The following PCNX1 variants were observed in gnomAD, a reference collection of about 807,000 sequenced individuals.
PCNX1 encodes the protein pecanex 1, also known as pecanex-like protein 1.
A neutral mutation model predicts 242.2 loss-of-function variants in PCNX1; 78 were observed. The observed-to-expected ratio is 0.32, with a 90% CI of 0.27 to 0.39. The LOEUF (loss-of-function observed/expected upper bound fraction) is 0.39. Ranked by LOEUF, PCNX1 falls within the 10% of genes least tolerant of loss-of-function variation. The pLI, the probability that PCNX1 is intolerant of heterozygous loss-of-function variation, is 1.00. For synonymous variants in PCNX1, 1,024 were observed against 1,032.9 expected, an observed-to-expected ratio of 0.99 and a Z score of 0.17; for missense variants, 2,581 against 2,856.5, an observed-to-expected ratio of 0.90 and a Z score of 2.20.
chr14:71,044,832 A>G (rs2060812865), intron 19 of PCNX1, among the ~76,000 whole-genome samples: 1 of 152,224 alleles, frequency 6.6e-6, no homozygotes, highest in South Asian at 2.1e-4. Flanking sequence ...ATCTCATAGA[A>G]CATTCATGTA....
rs1221286659 is a variant in PCNX1 at position 71,057,684 on chromosome 14, T to C, written c.4812T>C (p.Asn1604=). The change falls in exon 26 of 36, where the codon AAT becomes AAC. Residue 1604 remains asparagine, a synonymous_variant. Coordinates refer to ENST00000304743, the MANE Select transcript of PCNX1 (RefSeq NM_014982.3). ...TAGTACACCTTATAGAGATAGGCAATGGTCTGGTCACTTTTCAGCTGCGGG... is the reference window on the plus strand; with the variant it reads ...TAGTACACCTTATAGAGATAGGCAACGGTCTGGTCACTTTTCAGCTGCGGG... The part of the protein sequence containing the change: ...NALVHLIEIG[N]GLVTFQLRGL... The C allele has an allele frequency of 4.3e-6, 7 of 1,613,846 alleles. No individual in the cohort carries two copies. Among genetic ancestry groups the C allele is most frequent in the East Asian group, 4.5e-5 (2 of 44,888 alleles).
chr14:71,063,951 A>T (rs2061386027), intron 26 of PCNX1, among the ~76,000 whole-genome samples: 1 of 151,874 alleles, frequency 6.6e-6, no homozygotes, highest in South Asian at 2.1e-4. Flanking sequence ...ACTTTCTTTC[A>T]TGTTAATTTT....
At chr14:70,975,905 AT>A (rs2058674047) in intron 5 of PCNX1, among the ~76,000 whole-genome samples, 1 of 151,870 alleles carries the variant, frequency 6.6e-6, no homozygotes, top group South Asian at 2.1e-4. Flanking sequence ...TTCATGAAGT[AT>A]TTTTTAATTG....
chr14:70,958,981 C>G (rs2058096770), intron 2 of PCNX1, among the ~76,000 whole-genome samples: 1 of 118,966 alleles, frequency 8.4e-6, no homozygotes, highest in Non-Finnish European at 1.6e-5. Flanking sequence ...TCTGTAATGT[C>G]CAACACATAT....
intron 7 of PCNX1, among the ~76,000 whole-genome samples, chr14:70,991,129 A>G (rs2140280393): frequency 6.6e-6 from 1 of 151,960 alleles, no homozygotes; most frequent in East Asian, 1.9e-4. Flanking sequence ...ACTCCAGCCA[A>G]TCACATACAA....
At chr14:71,101,366 CCAGA>C (rs1326556017) in intron 30 of PCNX1, among the ~76,000 whole-genome samples, 1 of 152,128 alleles carries the variant, frequency 6.6e-6, no homozygotes, top group Non-Finnish European at 1.5e-5. Context: ...ATGCTGCCTG[CCAGA>C]CAGTCTTGTA....
Position 70,995,752 on chromosome 14 carries a change from GTCA to G in PCNX1, c.2457_2459del (p.Gln821del). On this transcript the variant is annotated inframe_deletion, in exon 8 of 36. Transcript: ENST00000304743. ...ATGTTTTTTCCTAGCCTTCAAGATG[GTCA>G]GCAAGGCCAGCAGTCCACAGCCCAG... 3.7e-6 allele frequency: 6 copies of G among 1,613,878 alleles called. No homozygotes were observed. Among genetic ancestry groups the G allele is most frequent in the Non-Finnish European group, 5.1e-6 (6 of 1,179,900 alleles).
intron 1 of PCNX1, among the ~76,000 whole-genome samples, chr14:70,925,806 A>T (rs2056568455): frequency 6.6e-6 from 1 of 152,054 alleles, no homozygotes; most frequent in Admixed American, 6.5e-5. Flanking sequence ...TTTGCAGAGG[A>T]GGAAACAGAG....
chr14:71,082,345 G>A (rs550589775), intron 28 of PCNX1, among the ~76,000 whole-genome samples: 1 of 152,306 alleles, frequency 6.6e-6, no homozygotes, highest in African/African-American at 2.4e-5. Context: ...TTGATTTGGG[G>A]TGGAGAGTTC....
rs774050416 is a variant in PCNX1, at chr14:70,978,615, C to T, written c.2278C>T (p.Pro760Ser). 1.2e-6 allele frequency: 2 copies of T among 1,613,454 alleles called. No individual in the cohort carries two copies. Among genetic ancestry groups the T allele is most frequent in the African/African-American group, 2.7e-5 (2 of 74,984 alleles). Residue 760 changes from proline (P) to serine (S), a missense_variant, in exon 6 of 36, where the codon CCT (proline) becomes TCT (serine). Pro to Ser is a moderately conservative substitution (Grantham distance 74, BLOSUM62 -1). Coordinates refer to ENST00000304743, the MANE Select transcript of PCNX1 (RefSeq NM_014982.3). ...TAGCTTGCCAAACCAGGTTGCATTT[C>T]CTGAAGGGGAAGAGCAAGATGCAGT... ...RNSLPNQVAF[P>S]EGEEQDAVSG... is the part of the protein sequence containing the mutation.
At chr14:71,042,865 T>TA (rs375732843) in intron 19 of PCNX1, among the ~76,000 whole-genome samples, 1 of 152,084 alleles carries the variant, frequency 6.6e-6, no homozygotes, top group Non-Finnish European at 1.5e-5. Flanking sequence ...ACATTTGACT[T>TA]AAAAAAATCA....
intron 35 of PCNX1, 93 bp from the exon 36 acceptor site, chr14:71,109,702 A>G (rs2062715892): frequency 6.4e-7 from 1 of 1,567,400 alleles, no homozygotes; most frequent in Non-Finnish European, 8.8e-7. Flanking sequence ...TTTTCAGACA[A>G]AATTGCTACT....
chr14:70,908,163 C>T (rs539463105), intron 1 of PCNX1, among the ~76,000 whole-genome samples, 160 bp downstream of exon 1: 248 of 152,276 alleles, frequency 1.6e-3, no homozygotes, highest in African/African-American at 5.7e-3. Flanking sequence ...CCACTCCTCT[C>T]TTCGGGGCTT....
At chr14:70,925,684 A>T (rs2056563628) in intron 1 of PCNX1, among the ~76,000 whole-genome samples, 1 of 151,248 alleles carries the variant, frequency 6.6e-6, no homozygotes, top group Non-Finnish European at 1.5e-5. Flanking sequence ...AAACATTATT[A>T]AAAATATCAA....
chr14:70,957,847 G>T (rs58216092), intron 2 of PCNX1, among the ~76,000 whole-genome samples: 6,655 of 151,534 alleles, frequency 0.044, 172 homozygotes, highest in South Asian at 0.063. Context: ...TATATATAGA[G>T]AGAGAGAGAG....
intron 8 of PCNX1, among the ~76,000 whole-genome samples, chr14:70,998,825 C>T (rs554398097): frequency 1.7e-4 from 26 of 150,354 alleles, no homozygotes; most frequent in Non-Finnish European, 3.5e-4. Context: ...TCCATGTGTA[C>T]CTAATTAAAA....
chr14:70,993,448 A>G (rs1450694139), intron 7 of PCNX1, among the ~76,000 whole-genome samples: 2 of 152,212 alleles, frequency 1.3e-5, no homozygotes, highest in African/African-American at 2.4e-5. Context: ...AATTAATTTA[A>G]TAAAAATTAA....
chr14:71,109,123 C>G, intron 34 of PCNX1, 77 bp downstream of exon 34: 1 of 1,207,442 alleles, frequency 8.3e-7, no homozygotes, highest in Non-Finnish European at 1.2e-6. Context: ...GAATGAAGGA[C>G]TGTTGTGAAT....
At position 71,101,973 on chromosome 14, in the gene PCNX1, A is replaced by G. The variant is rs1281941427; in HGVS notation, c.5590-17A>G. 20 of 1,380,110 alleles carry G rather than the reference A, an allele frequency of 1.4e-5. No individual in the cohort carries two copies. Among genetic ancestry groups the G allele is most frequent in the Non-Finnish European group, 1.9e-5 (19 of 1,007,498 alleles). 85.5% of individuals were successfully genotyped at this position (1,380,110 alleles called of 1,614,324 possible). ...TTTATTTTCCTTTAAAAATTTATAT[A>G]TTATTTTTGTATTTAGGATCATTTT... On this transcript the variant is annotated splice_polypyrimidine_tract_variant and intron_variant, in intron 30 of 35. Transcript: ENST00000304743.
Sources: allele counts gnomAD v4.1 joint callset (sites outside exome capture counted in the v4.1 genomes callset), GRCh38; gene constraint gnomAD v4.1.1; transcripts MANE v1.5; gene names NCBI Gene and HGNC (gene_info 2026-07-23, HGNC 2026-07-21).